NRG3: variants seen among roughly 807,000 people sequenced by gnomAD.
The protein encoded by NRG3 is pro-neuregulin-3, membrane-bound isoform.
NRG3 carries 31 observed loss-of-function variants against 66.9 expected under a neutral mutation model. That is an observed-to-expected ratio of 0.46 (90% CI 0.35 to 0.63). NRG3 has a LOEUF of 0.63. NRG3 is among the 20% of genes least tolerant of loss of function. The probability of loss-of-function intolerance (pLI) is 0.00; values close to 1 mark genes in which losing one functional copy is unlikely to be tolerated. For missense variants in NRG3, 910 were observed against 878.9 expected, an observed-to-expected ratio of 1.04 and a Z score of -0.45; for synonymous variants, 393 against 359.4, an observed-to-expected ratio of 1.09 and a Z score of -1.06.
intron 1 of NRG3, among the ~76,000 whole-genome samples, chr10:81,899,237 A>G (rs1843802106): frequency 6.6e-6 from 1 of 152,306 alleles, no homozygotes; most frequent in East Asian, 1.9e-4. Flanking sequence ...ATGCTGTGCA[A>G]TCCCTGATCC....
intron 3 of NRG3, among the ~76,000 whole-genome samples, chr10:82,848,602 G>A (rs962642147): frequency 2.0e-5 from 3 of 152,180 alleles, no homozygotes. Context: ...AGAAGGGCAT[G>A]ATTGTGTTAT....
intron 2 of NRG3, among the ~76,000 whole-genome samples, chr10:82,702,132 A>G (rs2055928653): frequency 6.6e-6 from 1 of 152,176 alleles, no homozygotes; most frequent in Non-Finnish European, 1.5e-5. Flanking sequence ...GTGGGTCACA[A>G]CACGATTGCC....
intron 1 of NRG3, among the ~76,000 whole-genome samples, chr10:81,994,563 G>A (rs757233286): frequency 2.4e-4 from 37 of 151,774 alleles, no homozygotes; most frequent in Admixed American, 1.1e-3. Context: ...TTGCATAAAG[G>A]ATAGATAGCA....
At chr10:82,049,389 C>A (rs959108242) in intron 1 of NRG3, among the ~76,000 whole-genome samples, 1 of 152,030 alleles carries the variant, frequency 6.6e-6, no homozygotes, top group Non-Finnish European at 1.5e-5. Flanking sequence ...TGGATACATT[C>A]TGTTTCTTAA....
At chr10:82,619,313 G>A (rs1026215128) in intron 2 of NRG3, among the ~76,000 whole-genome samples, 1 of 152,166 alleles carries the variant, frequency 6.6e-6, no homozygotes, top group Non-Finnish European at 1.5e-5. Context: ...GTGTGAGCTG[G>A]AGAGCAGGAG....
chr10:82,800,041 G>A (rs1290294434), intron 3 of NRG3, among the ~76,000 whole-genome samples: 1 of 152,110 alleles, frequency 6.6e-6, no homozygotes, highest in Admixed American at 6.6e-5. Context: ...TGACTTCAGT[G>A]TCTTTCTTAA....
chr10:82,052,425 G>A (rs913899243), intron 1 of NRG3, among the ~76,000 whole-genome samples: 2 of 152,066 alleles, frequency 1.3e-5, no homozygotes, highest in East Asian at 1.9e-4. Flanking sequence ...AACTGCACTG[G>A]TCACCAGAGA....
intron 1 of NRG3, among the ~76,000 whole-genome samples, chr10:82,342,489 TG>T (rs1164172269): frequency 3.3e-5 from 5 of 152,142 alleles, no homozygotes; most frequent in Non-Finnish European, 1.5e-5. Context: ...TATCTCACTG[TG>T]GTTTTAATTT....
In NRG3 at chr10:82,623,421, C is replaced by G. The variant is rs917230170; in HGVS notation, c.954-115156C>G. Among the ~76,000 whole-genome samples the G allele has an allele frequency of 9.9e-5, 15 of 152,196 alleles. 1 individual carries two copies. The East Asian group carries it at 2.7e-3, about 27-fold the overall frequency. ...ATTTATCTCTTCTCCAGTGTGGACT[C>G]TGAATCAGATTTGCTCTCTGCCTTG... On this transcript the variant is annotated intron_variant, in intron 2 of 8. Transcript: ENST00000372141.
chr10:82,202,788 A>G (rs973283272), intron 1 of NRG3, among the ~76,000 whole-genome samples: 42 of 152,162 alleles, frequency 2.8e-4, no homozygotes, highest in African/African-American at 9.9e-4. Flanking sequence ...GTCCCCCGAA[A>G]GATGAAGAGG....
At chr10:82,800,885 C>CT (rs1397344563) in intron 3 of NRG3, among the ~76,000 whole-genome samples, 3 of 152,092 alleles carry the variant, frequency 2.0e-5, no homozygotes, top group Admixed American at 6.6e-5. Flanking sequence ...CACAGAGGAG[C>CT]TAGGGGCACA....
At chr10:82,004,720 C>T (rs1297229682) in intron 1 of NRG3, among the ~76,000 whole-genome samples, 2 of 152,044 alleles carry the variant, frequency 1.3e-5, no homozygotes, top group Admixed American at 6.6e-5. Flanking sequence ...AAAATGAGGA[C>T]GTTAAGGTGG....
At chr10:82,785,364 AAAATT>A (rs943227885) in intron 3 of NRG3, among the ~76,000 whole-genome samples, 50 of 151,886 alleles carry the variant, frequency 3.3e-4, no homozygotes, top group African/African-American at 9.9e-4. Context: ...TAATAATAAA[AAAATT>A]AAATTAAATT....
intron 4 of NRG3, among the ~76,000 whole-genome samples, chr10:82,891,922 T>C (rs1394545938): frequency 2.6e-5 from 4 of 152,088 alleles, no homozygotes; most frequent in African/African-American, 9.7e-5. Context: ...CTATCTGCTA[T>C]TGCAGTAAGA....
intron 1 of NRG3, among the ~76,000 whole-genome samples, chr10:82,257,292 T>C (rs1436474739): frequency 6.6e-6 from 1 of 152,102 alleles, no homozygotes; most frequent in Non-Finnish European, 1.5e-5. Context: ...CTTTTCTTCC[T>C]TTTACATATC....
chr10:82,791,311 G>T (rs1577463), intron 3 of NRG3, among the ~76,000 whole-genome samples: 24,045 of 146,934 alleles, frequency 0.16, 2,533 homozygotes, highest in African/African-American at 0.3. Flanking sequence ...TTTTTTTTTG[G>T]TTTTTTTTTC....
chr10:82,222,412 G>C (rs139853729), intron 1 of NRG3, among the ~76,000 whole-genome samples: 1 of 152,108 alleles, frequency 6.6e-6, no homozygotes, highest in Non-Finnish European at 1.5e-5. Flanking sequence ...ATTTAGACAA[G>C]TATTCCATAT....
At chr10:82,584,042 T>C (rs991597963) in intron 2 of NRG3, among the ~76,000 whole-genome samples, 2 of 152,168 alleles carry the variant, frequency 1.3e-5, no homozygotes, top group Non-Finnish European at 2.9e-5. Flanking sequence ...TTAAAGAGCC[T>C]CACAAATAAG....
At chr10:82,017,996 A>G (rs1307259700) in intron 1 of NRG3, among the ~76,000 whole-genome samples, 3 of 152,180 alleles carry the variant, frequency 2.0e-5, no homozygotes, top group African/African-American at 4.8e-5. Flanking sequence ...TTGGTGTTTT[A>G]GACGTGAATT....
Sources: allele counts gnomAD v4.1 joint callset (sites outside exome capture counted in the v4.1 genomes callset), GRCh38; gene constraint gnomAD v4.1.1; transcripts MANE v1.5; gene names NCBI Gene and HGNC (gene_info 2026-07-23, HGNC 2026-07-21).